Variants in SLC10A7 observed in about 807,000 individuals in gnomAD.
The protein encoded by SLC10A7 is sodium/bile acid cotransporter 7.
Under a neutral mutation model 43.2 loss-of-function variants are expected in SLC10A7, and 29 were observed. The observed-to-expected ratio is 0.67, with a 90% CI of 0.50 to 0.92. SLC10A7 has a LOEUF of 0.92. SLC10A7 is among the 40% of genes least tolerant of loss of function. The pLI is 0.00. For synonymous variants in SLC10A7, 152 were observed against 144.8 expected, an observed-to-expected ratio of 1.05 and a Z score of -0.35; for missense variants, 295 against 403.2, an observed-to-expected ratio of 0.73 and a Z score of 2.30.
chr4:146,501,239 T>G (rs1004102498), intron 4 of SLC10A7, among the ~76,000 whole-genome samples: 5 of 152,196 alleles, frequency 3.3e-5, no homozygotes, highest in African/African-American at 9.7e-5. Context: ...TTTAGACCAC[T>G]TCCTAAACTA....
chr4:146,286,273 T>A (rs1416073554), intron 9 of SLC10A7, among the ~76,000 whole-genome samples: 108 of 60,994 alleles, frequency 1.8e-3, no homozygotes, highest in East Asian at 0.013. Context: ...AGAAGGACCG[T>A]GTTTGGAGTG....
At chr4:146,500,392 T>C (rs1327718881) in intron 4 of SLC10A7, among the ~76,000 whole-genome samples, 1 of 152,128 alleles carries the variant, frequency 6.6e-6, no homozygotes, top group African/African-American at 2.4e-5. Flanking sequence ...CTCTCAGTGG[T>C]TGACCTTGCT....
At chr4:146,426,590 C>A (rs76076429) in intron 5 of SLC10A7, among the ~76,000 whole-genome samples, 1 of 152,106 alleles carries the variant, frequency 6.6e-6, no homozygotes, top group Non-Finnish European at 1.5e-5. Flanking sequence ...AAACATATAA[C>A]AGGCCATTTG....
At chr4:146,479,604 G>C (rs1274463399) in intron 4 of SLC10A7, among the ~76,000 whole-genome samples, 1 of 152,156 alleles carries the variant, frequency 6.6e-6, no homozygotes, top group Non-Finnish European at 1.5e-5. Flanking sequence ...GTAGTTGCCA[G>C]AGGGTGGGGG....
chr4:146,298,840 T>C (rs1164916281), intron 7 of SLC10A7, among the ~76,000 whole-genome samples: 1 of 152,178 alleles, frequency 6.6e-6, no homozygotes, highest in Non-Finnish European at 1.5e-5. Flanking sequence ...GGGTAGAAGA[T>C]ACAACACACT....
At chr4:146,364,897 A>G (rs1736289544) in intron 5 of SLC10A7, among the ~76,000 whole-genome samples, 1 of 152,162 alleles carries the variant, frequency 6.6e-6, no homozygotes, top group African/African-American at 2.4e-5. Flanking sequence ...TACCCCATAA[A>G]TATATACAAC....
chr4:146,355,994 C>A (rs1430974120), intron 5 of SLC10A7, among the ~76,000 whole-genome samples: 8 of 147,636 alleles, frequency 5.4e-5, no homozygotes. Context: ...ACATATGTAA[C>A]TAACCTGCAC....
intron 5 of SLC10A7, among the ~76,000 whole-genome samples, chr4:146,352,997 A>G (rs1735251843): frequency 6.7e-6 from 1 of 150,230 alleles, no homozygotes; most frequent in Admixed American, 6.6e-5. Context: ...AAGAGCAAAC[A>G]CATTCAAAAG....
chr4:146,315,618 T>A (rs1732275218), intron 6 of SLC10A7, among the ~76,000 whole-genome samples: 1 of 152,144 alleles, frequency 6.6e-6, no homozygotes, highest in South Asian at 2.1e-4. Context: ...ATGTTAGTAA[T>A]CTCCTTTGAA....
At chr4:146,288,487 C>T (rs773556418) in intron 9 of SLC10A7, among the ~76,000 whole-genome samples, 4 of 152,186 alleles carry the variant, frequency 2.6e-5, no homozygotes, top group Non-Finnish European at 5.9e-5. Context: ...AAGTTGGTTG[C>T]CCCAAACCTT....
intron 5 of SLC10A7, among the ~76,000 whole-genome samples, chr4:146,434,007 G>A (rs895283172): frequency 1.3e-5 from 2 of 151,942 alleles, no homozygotes; most frequent in African/African-American, 4.8e-5. Context: ...AAAATGTTGT[G>A]GCAGTTTTTT....
At chr4:146,343,960 T>C (rs559042048) in intron 5 of SLC10A7, among the ~76,000 whole-genome samples, 1 of 152,178 alleles carries the variant, frequency 6.6e-6, no homozygotes, top group Non-Finnish European at 1.5e-5. Flanking sequence ...CAAAACTCAT[T>C]TTTAAATGAT....
chr4:146,355,355 G>C (rs1735498447), intron 5 of SLC10A7, among the ~76,000 whole-genome samples: 1 of 152,176 alleles, frequency 6.6e-6, no homozygotes, highest in Non-Finnish European at 1.5e-5. Flanking sequence ...TCTCACACCA[G>C]TTAGAATGGC....
intron 5 of SLC10A7, among the ~76,000 whole-genome samples, chr4:146,356,630 C>G (rs1040269624): frequency 6.6e-6 from 1 of 151,716 alleles, no homozygotes; most frequent in African/African-American, 2.4e-5. Flanking sequence ...TTGCTGTTAT[C>G]TTGCTTTATT....
intron 6 of SLC10A7, among the ~76,000 whole-genome samples, chr4:146,307,397 C>A (rs1194930507): frequency 6.6e-6 from 1 of 152,100 alleles, no homozygotes; most frequent in Non-Finnish European, 1.5e-5. Flanking sequence ...AAACAGGATT[C>A]CTGGTGTGTT....
intron 4 of SLC10A7, 44 bp from the exon 5 acceptor site, chr4:146,442,865 A>G (rs1730714898): frequency 7.7e-7 from 1 of 1,291,786 alleles, no homozygotes; most frequent in Non-Finnish European, 1.1e-6. Context: ...TTGAAAGTAA[A>G]TAAGAATAAT....
intron 5 of SLC10A7, among the ~76,000 whole-genome samples, chr4:146,403,624 C>T (rs1320273998): frequency 2.6e-5 from 4 of 152,152 alleles, no homozygotes; most frequent in Non-Finnish European, 4.4e-5. Flanking sequence ...GCAATTTGGG[C>T]GCTTGATAAT....
intron 4 of SLC10A7, among the ~76,000 whole-genome samples, chr4:146,492,404 T>C (rs1465527325): frequency 6.6e-6 from 1 of 152,114 alleles, no homozygotes; most frequent in Non-Finnish European, 1.5e-5. Context: ...GTCTCACTCT[T>C]TCCCCCAGGC....
intron 10 of SLC10A7, among the ~76,000 whole-genome samples, chr4:146,273,846 T>G (rs533961216): frequency 2.9e-4 from 44 of 152,176 alleles, no homozygotes; most frequent in African/African-American, 9.1e-4. Flanking sequence ...CCTCATCTGT[T>G]TACAAGCCCT....
Sources: allele counts gnomAD v4.1 joint callset (sites outside exome capture counted in the v4.1 genomes callset), GRCh38; gene constraint gnomAD v4.1.1; transcripts MANE v1.5; gene names NCBI Gene and HGNC (gene_info 2026-07-23, HGNC 2026-07-21).